Variants in GPBP1 observed in about 807,000 individuals in gnomAD.
The protein encoded by GPBP1 is vasculin.
In GPBP1, 13 loss-of-function variants were observed where a neutral mutation model predicts 56.5. That is an observed-to-expected ratio of 0.23 (90% confidence interval 0.15 to 0.37). The LOEUF is 0.37. Ranked by LOEUF, GPBP1 falls within the 10% of genes least tolerant of loss-of-function variation. The pLI is 1.00. For missense variants in GPBP1, 477 were observed against 572.3 expected, an observed-to-expected ratio of 0.83 and a Z score of 1.70; for synonymous variants, 204 against 188.9, an observed-to-expected ratio of 1.08 and a Z score of -0.66.
At chr5:57,216,285 G>C (rs771156838) in intron 3 of GPBP1, among the ~76,000 whole-genome samples, 22 of 152,208 alleles carry the variant, frequency 1.4e-4, no homozygotes, top group Non-Finnish European at 2.6e-4. Flanking sequence ...TTTAGAAGAT[G>C]AGAGAGGGGA....
intron 9 of GPBP1, 35 bp from the exon 10 acceptor site, chr5:57,250,919 A>C: frequency 7.7e-7 from 1 of 1,298,256 alleles, no homozygotes; most frequent in Non-Finnish European, 1.1e-6. Context: ...TGTAGAACTC[A>C]TTCTTTTTTT....
intron 3 of GPBP1, among the ~76,000 whole-genome samples, chr5:57,228,079 T>C (rs1464457782): frequency 6.6e-6 from 1 of 152,230 alleles, no homozygotes; most frequent in African/African-American, 2.4e-5. Context: ...TTAAAAAATA[T>C]TTAAAATAGT....
chr5:57,189,028 T>C (rs568736230), intron 2 of GPBP1, among the ~76,000 whole-genome samples: 1 of 152,348 alleles, frequency 6.6e-6, no homozygotes, highest in East Asian at 1.9e-4. Context: ...GTTTCACTCT[T>C]GTTGCCTAGG....
chr5:57,247,192 C>A lies in GPBP1; in HGVS notation c.781C>A (p.Pro261Thr), dbSNP rs1249290473. 2 of 1,612,862 alleles carry A rather than the reference C, an allele frequency of 1.2e-6. No homozygotes were observed. Among genetic ancestry groups the A allele is most frequent in the African/African-American group, 2.7e-5 (2 of 74,850 alleles). ...TAAATCAACTGCCAAGAACTTTAGTCCATCTACAAATTCAGTGAAAGAGGT... is the reference window on the plus strand; with the variant it reads ...TAAATCAACTGCCAAGAACTTTAGTACATCTACAAATTCAGTGAAAGAGGT... ...AFKSTAKNFS[P>T]STNSVKECNR... The change falls in exon 8 of 12, where the codon CCA (proline) becomes ACA (threonine). Residue 261 changes from proline to threonine, a missense_variant. Pro to Thr is a conservative substitution (Grantham distance 38, BLOSUM62 -1). Transcript: ENST00000506184.
chr5:57,178,215 T>C (rs1561316457), intron 2 of GPBP1, among the ~76,000 whole-genome samples: 3 of 152,198 alleles, frequency 2.0e-5, no homozygotes, highest in South Asian at 4.1e-4. Context: ...CGATCATTCT[T>C]CTAGAAAACT....
intron 2 of GPBP1, among the ~76,000 whole-genome samples, chr5:57,179,642 G>C (rs1391017030): frequency 6.6e-6 from 1 of 151,994 alleles, no homozygotes; most frequent in African/African-American, 2.4e-5. Flanking sequence ...TTGTTGCTGA[G>C]GGTGGAGTGC....
At chr5:57,246,985 A>G (rs1430447195) in intron 7 of GPBP1, 90 bp from the exon 8 acceptor site, 1 of 1,092,006 alleles carries the variant, frequency 9.2e-7, no homozygotes, top group Non-Finnish European at 1.3e-6. Flanking sequence ...AGCCTAGCGT[A>G]GTCATTTTTG....
intron 3 of GPBP1, chr5:57,221,502 G>C: frequency 1.4e-6 from 1 of 704,840 alleles, no homozygotes; most frequent in Non-Finnish European, 2.4e-6. Context: ...CTGTAAACAG[G>C]ATGCTGTATC....
At chr5:57,179,978 G>C (rs1003545440) in intron 2 of GPBP1, among the ~76,000 whole-genome samples, 3 of 152,014 alleles carry the variant, frequency 2.0e-5, no homozygotes, top group African/African-American at 7.3e-5. Context: ...GAGGAAGGGA[G>C]GAGTAATGGG....
intron 2 of GPBP1, among the ~76,000 whole-genome samples, chr5:57,196,442 A>G (rs1392689561): frequency 6.6e-6 from 1 of 152,202 alleles, no homozygotes. Flanking sequence ...TAATTTCAGG[A>G]TAAGCATTAC....
chr5:57,247,280 A>G, intron 8 of GPBP1, 65 bp downstream of exon 8: 1 of 1,271,518 alleles, frequency 7.9e-7, no homozygotes, highest in Non-Finnish European at 1.1e-6. Context: ...AACAGTGAAT[A>G]AAAGGTAGAA....
At chr5:57,220,070 T>G (rs866922063) in intron 3 of GPBP1, among the ~76,000 whole-genome samples, 24 of 150,704 alleles carry the variant, frequency 1.6e-4, no homozygotes, top group African/African-American at 5.6e-4. Flanking sequence ...AAAAAAAATC[T>G]GGAAAGATAC....
intron 5 of GPBP1, among the ~76,000 whole-genome samples, chr5:57,232,934 A>G (rs1431326075): frequency 1.3e-5 from 2 of 152,338 alleles, no homozygotes; most frequent in East Asian, 1.9e-4. Context: ...AGTATGAGTA[A>G]AGAGTAGTTT....
At chr5:57,185,043 T>A (rs1048483670) in intron 2 of GPBP1, among the ~76,000 whole-genome samples, 13 of 152,220 alleles carry the variant, frequency 8.5e-5, no homozygotes, top group Non-Finnish European at 1.8e-4. Context: ...AGAGACATTT[T>A]GTTTGTTTCC....
chr5:57,200,360 A>ATTTTTTTTTT (rs70999063), intron 2 of GPBP1, among the ~76,000 whole-genome samples: 3 of 69,774 alleles, frequency 4.3e-5, no homozygotes, highest in Admixed American at 2.0e-4. Flanking sequence ...ATAAGTTTGA[A>ATTTTTTTTTT]TTTTTTTTTT....
At chr5:57,210,618 ATT>A (rs898093581) in intron 2 of GPBP1, among the ~76,000 whole-genome samples, 1 of 152,170 alleles carries the variant, frequency 6.6e-6, no homozygotes, top group South Asian at 2.1e-4. Context: ...ATACATAAAC[ATT>A]TTAGTTGGTC....
chr5:57,189,569 A>T (rs2111625607), intron 2 of GPBP1, among the ~76,000 whole-genome samples: 1 of 149,804 alleles, frequency 6.7e-6, no homozygotes, highest in Non-Finnish European at 1.5e-5. Flanking sequence ...ACTTTTTTTC[A>T]CTTGAACTAC....
rs185549908 is a variant in GPBP1, at chr5:57,255,536, G to A, written c.1160+4395G>A. Among the ~76,000 whole-genome samples the A allele has an allele frequency of 4.6e-5, 7 of 152,304 alleles. No homozygotes were observed. The East Asian group carries it at 1.4e-3, about 29-fold the overall frequency. On this transcript the variant is annotated intron_variant, in intron 10 of 11. Transcript: ENST00000506184. ...AGGAGAATAAAACACAAACATATCA[G>A]ATATTCTAATGATAGTAAAAGATGA...
chr5:57,235,625 G>A (rs1351629871), intron 5 of GPBP1, among the ~76,000 whole-genome samples: 1 of 152,114 alleles, frequency 6.6e-6, no homozygotes, highest in Non-Finnish European at 1.5e-5. Flanking sequence ...CTGAGAGTAA[G>A]GTTTATGAGT....
Sources: allele counts gnomAD v4.1 joint callset (sites outside exome capture counted in the v4.1 genomes callset), GRCh38; gene constraint gnomAD v4.1.1; transcripts MANE v1.5; gene names NCBI Gene and HGNC (gene_info 2026-07-23, HGNC 2026-07-21).